The following SLC30A9 variants were observed in gnomAD, a reference collection of about 807,000 sequenced individuals.
The protein encoded by SLC30A9 is proton-coupled zinc antiporter SLC30A9, mitochondrial.
Under a neutral mutation model 87.5 loss-of-function variants are expected in SLC30A9, and 58 were observed. That is an observed-to-expected ratio of 0.66 (90% confidence interval 0.54 to 0.82). SLC30A9 has a LOEUF of 0.82. Ranked by LOEUF, SLC30A9 falls within the 40% of genes least tolerant of loss-of-function variation. The pLI is 0.00. For missense variants in SLC30A9, 557 were observed against 679.1 expected, an observed-to-expected ratio of 0.82 and a Z score of 2.00; for synonymous variants, 234 against 233.0, an observed-to-expected ratio of 1.00 and a Z score of -0.04.
intron 10 of SLC30A9, among the ~76,000 whole-genome samples, chr4:42,061,287 G>A (rs1240856117): frequency 1.3e-5 from 2 of 152,158 alleles, no homozygotes; most frequent in Admixed American, 6.5e-5. Flanking sequence ...TGAAGAACTA[G>A]ATTTTAAACT....
intron 2 of SLC30A9, among the ~76,000 whole-genome samples, chr4:42,014,751 CA>C (rs1390774853): frequency 6.6e-6 from 1 of 152,088 alleles, no homozygotes; most frequent in Non-Finnish European, 1.5e-5. Context: ...CTGTCATTTG[CA>C]GCAATACGGA....
At chr4:42,030,089 G>T in intron 6 of SLC30A9, 1 of 874,656 alleles carries the variant, frequency 1.1e-6, no homozygotes, top group Non-Finnish European at 1.6e-6. Context: ...GGTTTTCAGG[G>T]ATCCTTTGAT....
At chr4:42,058,227 A>T (rs1297831411) in intron 9 of SLC30A9, among the ~76,000 whole-genome samples, 1 of 152,134 alleles carries the variant, frequency 6.6e-6, no homozygotes, top group Non-Finnish European at 1.5e-5. Context: ...AAAGTTCACA[A>T]ATCTCTAGGG....
At chr4:42,051,864 T>C (rs1717395796) in intron 9 of SLC30A9, among the ~76,000 whole-genome samples, 1 of 151,984 alleles carries the variant, frequency 6.6e-6, no homozygotes, top group Admixed American at 6.6e-5. Flanking sequence ...ATGAGGCTAG[T>C]ATAACCCTGA....
At position 42,088,744 on chromosome 4, in the gene SLC30A9, G is replaced by C. The variant is rs1304204894; in HGVS notation, c.*2618G>C. The C allele has an allele frequency of 6.6e-6, 1 of 152,238 alleles. No individual in the cohort carries two copies. Among genetic ancestry groups the C allele is most frequent in the Non-Finnish European group, 1.5e-5 (1 of 68,118 alleles). 9.4% of individuals were successfully genotyped at this position (152,238 alleles called of 1,614,324 possible). ...CCCGTGATCCAGTCATCTCCCACCA[G>C]GCCCTACCTCCAACATGGGATTACA... On this transcript the variant is annotated 3_prime_UTR_variant, in exon 18 of 18. Transcript: ENST00000264451.
At chr4:42,001,056 A>C (rs530807003) in intron 1 of SLC30A9, among the ~76,000 whole-genome samples, 6 of 152,094 alleles carry the variant, frequency 3.9e-5, no homozygotes, top group Non-Finnish European at 7.4e-5. Context: ...CAGATGAAGC[A>C]GCTGAAGTGC....
intron 4 of SLC30A9, among the ~76,000 whole-genome samples, chr4:42,022,453 A>G (rs1387602660): frequency 6.6e-6 from 1 of 151,122 alleles, no homozygotes; most frequent in Non-Finnish European, 1.5e-5. Context: ...GCTGGTCTCG[A>G]ACTCCTGACC....
chr4:42,048,013 T>G (rs61387048), intron 8 of SLC30A9, among the ~76,000 whole-genome samples: 9,707 of 151,006 alleles, frequency 0.064, 661 homozygotes, highest in African/African-American at 0.17. Flanking sequence ...CACTCATAAG[T>G]GAGAGCTGAA....
intron 15 of SLC30A9, among the ~76,000 whole-genome samples, chr4:42,071,606 T>C (rs1718309203): frequency 6.6e-6 from 1 of 151,152 alleles, no homozygotes; most frequent in African/African-American, 2.4e-5. Flanking sequence ...GAGGCTAGTG[T>C]GCAATGATCA....
intron 6 of SLC30A9, among the ~76,000 whole-genome samples, chr4:42,026,983 G>A (rs1050286370): frequency 6.6e-6 from 1 of 152,052 alleles, no homozygotes; most frequent in African/African-American, 2.4e-5. Flanking sequence ...GGATCTTAGT[G>A]TAATCAATTT....
chr4:42,015,245 G>GT (rs886681803), intron 2 of SLC30A9, among the ~76,000 whole-genome samples: 14 of 151,800 alleles, frequency 9.2e-5, no homozygotes, highest in African/African-American at 3.1e-4. Context: ...ATAATAAAAA[G>GT]TTTTTTTTAA....
chr4:42,012,430 A>G (rs1003520971), intron 2 of SLC30A9, among the ~76,000 whole-genome samples: 4 of 152,196 alleles, frequency 2.6e-5, no homozygotes, highest in African/African-American at 7.2e-5. Context: ...GTTATCATAC[A>G]TATAAAGATG....
chr4:42,026,373 C>T (rs1017315373), intron 6 of SLC30A9, among the ~76,000 whole-genome samples: 1 of 152,124 alleles, frequency 6.6e-6, no homozygotes, highest in African/African-American at 2.4e-5. Context: ...TTCTTTTACT[C>T]TTGGGCACTT....
chr4:42,010,554 A>G (rs1047357494), intron 2 of SLC30A9, among the ~76,000 whole-genome samples: 18 of 152,222 alleles, frequency 1.2e-4, no homozygotes, highest in African/African-American at 4.3e-4. Context: ...CTGAAAAACA[A>G]TTGCCAAGAA....
chr4:42,036,882 G>T (rs548697087), intron 7 of SLC30A9, among the ~76,000 whole-genome samples: 48 of 152,244 alleles, frequency 3.2e-4, no homozygotes, highest in Non-Finnish European at 1.2e-4. Context: ...TGCCTCTTGT[G>T]CTGGGATAAC....
intron 2 of SLC30A9, among the ~76,000 whole-genome samples, chr4:42,002,504 G>C (rs1268106184): frequency 6.6e-6 from 1 of 151,842 alleles, no homozygotes; most frequent in African/African-American, 2.4e-5. Flanking sequence ...TTAGCTCCTA[G>C]TTATAAGTGA....
intron 6 of SLC30A9, chr4:42,029,737 A>G (rs964876958): frequency 2.1e-5 from 15 of 728,462 alleles, no homozygotes; most frequent in Middle Eastern, 2.4e-4. Flanking sequence ...GGCAAACCAC[A>G]TGTTATTATA....
intron 14 of SLC30A9, 174 bp from the exon 15 acceptor site, chr4:42,070,352 T>C (rs922876888): frequency 7.9e-6 from 4 of 506,480 alleles, no homozygotes; most frequent in Non-Finnish European, 1.4e-5. Flanking sequence ...AGTTGTAGCA[T>C]CCTCATTTTG....
intron 1 of SLC30A9, among the ~76,000 whole-genome samples, chr4:41,997,568 T>C (rs1714774641): frequency 6.6e-6 from 1 of 151,374 alleles, no homozygotes; most frequent in Non-Finnish European, 1.5e-5. Flanking sequence ...GTCTTCCGCT[T>C]TTTTTATGCA....
Sources: allele counts gnomAD v4.1 joint callset (sites outside exome capture counted in the v4.1 genomes callset), GRCh38; gene constraint gnomAD v4.1.1; transcripts MANE v1.5; gene names NCBI Gene and HGNC (gene_info 2026-07-23, HGNC 2026-07-21).